Variants in RUFY4 observed in about 807,000 individuals in gnomAD.
The protein encoded by RUFY4 is RUN and FYVE domain containing 4, also known as RUN and FYVE domain-containing protein 4.
In RUFY4, 73 loss-of-function variants were observed where a neutral mutation model predicts 69.0. The observed-to-expected ratio is 1.06, with a 90% CI of 0.88 to 1.29. The LOEUF is 1.29. Among genes scored for constraint, RUFY4 ranks in the 50% most tolerant of loss-of-function variants. RUFY4 has a pLI of 0.00. For missense variants in RUFY4, 770 were observed against 705.6 expected, an observed-to-expected ratio of 1.09 and a Z score of -1.03; for synonymous variants, 287 against 271.8, an observed-to-expected ratio of 1.06 and a Z score of -0.55.
intron 6 of RUFY4, among the ~76,000 whole-genome samples, chr2:218,074,243 G>GA (rs1689570399): frequency 6.6e-6 from 1 of 152,186 alleles, no homozygotes; most frequent in East Asian, 1.9e-4. Flanking sequence ...ATTGACACAT[G>GA]ACTCAGTTCA....
chr2:218,082,759 A>G (rs1288607965), intron 8 of RUFY4, among the ~76,000 whole-genome samples: 2 of 148,290 alleles, frequency 1.3e-5, no homozygotes, highest in African/African-American at 2.5e-5. Flanking sequence ...TGCATTATAT[A>G]TGTGTTGTGT....
exon 5 of RUFY4, chr2:218,073,300 G>A (rs1689540301): frequency 6.4e-7 from 1 of 1,559,796 alleles, no homozygotes; most frequent in South Asian, 1.2e-5. Context: ...AAGACATCCT[G>A]GACTCTCTCT....
chr2:218,060,226 C>T, intron 3 of RUFY4: 8 of 1,016,874 alleles, frequency 7.9e-6, no homozygotes, highest in Non-Finnish European at 1.1e-5. Context: ...CCTGCGACCA[C>T]AGTGGGGGCT....
At chr2:218,049,064 G>T (rs7584328) in intron 2 of RUFY4, among the ~76,000 whole-genome samples, 9,871 of 152,174 alleles carry the variant, frequency 0.065, 1,028 homozygotes, top group African/African-American at 0.22. Flanking sequence ...AATCTACATG[G>T]GGGAAGTTTC....
intron 3 of RUFY4, among the ~76,000 whole-genome samples, chr2:218,062,414 A>AG (rs2106038937): frequency 6.6e-6 from 1 of 151,660 alleles, no homozygotes; most frequent in Admixed American, 6.6e-5. Flanking sequence ...TCAAAAAAAA[A>AG]AAAAAAAATG....
In RUFY4 at chr2:218,038,988, A is replaced by G. The variant is rs77892059; in HGVS notation, c.-1158+3594A>G. ...ACCACTAGGTGTAAAGAAGTCTGGG[A>G]GAGTGGGCAATCGGTTGCATAACTG... is the stretch of plus-strand genomic sequence containing the variant. On this transcript the variant is annotated intron_variant and NMD_transcript_variant, in intron 2 of 13. Transcript: ENST00000457754. 3.2e-3 allele frequency among the ~76,000 whole-genome samples: 486 copies of G among 152,240 alleles called. 2 individuals are homozygous for G. The highest frequency in any genetic ancestry group is 0.011 in the African/African-American group (447 of 41,538).
chr2:218,058,340 G>T (rs1689110051), intron 2 of RUFY4, among the ~76,000 whole-genome samples: 1 of 152,190 alleles, frequency 6.6e-6, no homozygotes, highest in Non-Finnish European at 1.5e-5. Flanking sequence ...TACGTTTATA[G>T]CCTAAGGAAT....
At chr2:218,064,425 A>G (rs377263780), upstream of RUFY4, among the ~76,000 whole-genome samples, 81 of 152,270 alleles carry the variant, frequency 5.3e-4, no homozygotes, top group South Asian at 8.3e-3. Context: ...TTGGGTCTCC[A>G]GTGCTGATCC....
intron 2 of RUFY4, among the ~76,000 whole-genome samples, chr2:218,050,264 G>T (rs575358241): frequency 6.6e-6 from 1 of 152,086 alleles, no homozygotes; most frequent in African/African-American, 2.4e-5. Context: ...ATTCTTCTCC[G>T]CCTTACTCAC....
chr2:218,088,837 TTCTCTGTCTCTGTG>T (rs1417412835), intron 9 of RUFY4, among the ~76,000 whole-genome samples: 1 of 152,038 alleles, frequency 6.6e-6, no homozygotes, highest in Non-Finnish European at 1.5e-5. Flanking sequence ...TGTCTCCATT[TTCTCTGTCTCTGTG>T]TCTCTTTCTC....
intron 10 of RUFY4, chr2:218,089,715 AG>A: frequency 1.4e-6 from 1 of 703,736 alleles, no homozygotes; most frequent in Non-Finnish European, 2.6e-6. Context: ...GAGAGAGGAA[AG>A]TGAGCCACCA....
intron 9 of RUFY4, among the ~76,000 whole-genome samples, chr2:218,088,985 G>A (rs1373498571): frequency 1.3e-5 from 2 of 150,384 alleles, no homozygotes; most frequent in Non-Finnish European, 3.0e-5. Context: ...CTCTCTCTGA[G>A]TAACCATCTT....
intron 3 of RUFY4, 37 bp downstream of exon 5, chr2:218,072,536 G>A (rs762635354): frequency 3.0e-5 from 46 of 1,533,964 alleles, no homozygotes; most frequent in South Asian, 1.3e-4. Flanking sequence ...CTGACGGGGT[G>A]GGGGTAGACA....
chr2:218,041,664 T>C (rs748573240), intron 2 of RUFY4, among the ~76,000 whole-genome samples: 2 of 152,252 alleles, frequency 1.3e-5, no homozygotes, highest in African/African-American at 2.4e-5. Context: ...GTCCCTATTA[T>C]ATAAGTTTGT....
chr2:218,080,408 G>A (rs962242869), intron 8 of RUFY4, among the ~76,000 whole-genome samples: 1 of 152,170 alleles, frequency 6.6e-6, no homozygotes, highest in Non-Finnish European at 1.5e-5. Context: ...CTGTGAAAAC[G>A]GACTTTGGGC....
exon 3 of RUFY4, chr2:218,072,462 A>G: frequency 1.3e-6 from 2 of 1,537,292 alleles, no homozygotes; most frequent in Non-Finnish European, 1.7e-6. Flanking sequence ...CAGCGGGGAA[A>G]CATGGAGCCA....
At chr2:218,050,631 A>T (rs1229787707) in intron 2 of RUFY4, among the ~76,000 whole-genome samples, 2 of 152,180 alleles carry the variant, frequency 1.3e-5, no homozygotes. Context: ...TTATAGCTGG[A>T]TATTCACATC....
At chr2:218,080,322 G>T (rs12694427) in intron 8 of RUFY4, among the ~76,000 whole-genome samples, 3 of 152,000 alleles carry the variant, frequency 2.0e-5, no homozygotes, top group African/African-American at 7.2e-5. Context: ...TAGAAGTCCC[G>T]TGCAGAGCAC....
At chr2:218,088,039 G>C (rs1689933829) in intron 9 of RUFY4, among the ~76,000 whole-genome samples, 4 of 152,232 alleles carry the variant, frequency 2.6e-5, no homozygotes, top group South Asian at 4.2e-4. Context: ...ATTTCAAGGA[G>C]AGAAAGCAAA....
Sources: gnomAD v4.1 joint callset for allele counts (sites outside exome capture counted in the v4.1 genomes callset) on GRCh38, gnomAD v4.1.1 for gene constraint, MANE v1.5 for transcripts, NCBI Gene and HGNC (gene_info 2026-07-23, HGNC 2026-07-21) for gene names.